Variants in ASTN2 observed in about 807,000 individuals in gnomAD.
The protein encoded by ASTN2 is astrotactin-2.
ASTN2 carries 54 observed loss-of-function variants against 139.8 expected under a neutral mutation model. The observed-to-expected ratio is 0.39, with a 90% CI of 0.31 to 0.48. The LOEUF is 0.48. ASTN2 is among the 20% of genes least tolerant of loss of function. The pLI is 0.95. For synonymous variants in ASTN2, 756 were observed against 719.5 expected, an observed-to-expected ratio of 1.05 and a Z score of -0.81; for missense variants, 1,565 against 1,725.1, an observed-to-expected ratio of 0.91 and a Z score of 1.64.
intron 20 of ASTN2, among the ~76,000 whole-genome samples, chr9:116,467,924 T>G (rs569678897): frequency 6.6e-6 from 1 of 152,286 alleles, no homozygotes; most frequent in South Asian, 2.1e-4. Context: ...AGCCTAGTGA[T>G]GAGCAAACAA....
At chr9:116,732,389 G>A (rs1016062253) in intron 14 of ASTN2, among the ~76,000 whole-genome samples, 3 of 152,184 alleles carry the variant, frequency 2.0e-5, no homozygotes, top group Non-Finnish European at 4.4e-5. Flanking sequence ...GGAGTTAGAT[G>A]ACTCTTTTGA....
intron 19 of ASTN2, among the ~76,000 whole-genome samples, chr9:116,498,980 A>T (rs575161707): frequency 2.0e-5 from 3 of 152,282 alleles, no homozygotes; most frequent in African/African-American, 7.2e-5. Flanking sequence ...TAGAGCTTCC[A>T]TAACTCTTCC....
At chr9:116,787,381 A>G (rs1472429693) in intron 13 of ASTN2, among the ~76,000 whole-genome samples, 1 of 152,228 alleles carries the variant, frequency 6.6e-6, no homozygotes, top group African/African-American at 2.4e-5. Context: ...CAGTTTTACA[A>G]TCTAGGACTG....
At chr9:116,505,491 G>C (rs1257081236) in intron 19 of ASTN2, among the ~76,000 whole-genome samples, 2 of 152,036 alleles carry the variant, frequency 1.3e-5, no homozygotes, top group Non-Finnish European at 2.9e-5. Context: ...AACCACCTTT[G>C]GATTCCAATA....
Position 117,414,251 on chromosome 9 carries a change from A to G in ASTN2, c.442+246T>C, listed in dbSNP as rs1420466505. ...GAGCTCCAGGTCGGGACTGAGAGGC[A>G]GAGGGGCAGGTTCCCACTGCGGGAG... On this transcript the variant is annotated intron_variant, in intron 1 of 22. Transcript: ENST00000313400. The surrounding 1 kb of genome is among the most constrained non-coding windows in gnomAD (Gnocchi z 4.2). Among the ~76,000 whole-genome samples, 1 of 152,100 alleles carries G rather than the reference A, an allele frequency of 6.6e-6. No homozygotes were observed. The highest frequency in any genetic ancestry group is 2.4e-5 in the African/African-American group (1 of 41,448).
rs781758780 is a variant in ASTN2 at position 116,620,402 on chromosome 9, C to T, written c.3114G>A (p.Gly1038=). 1 of 1,614,162 alleles carries T rather than the reference C, an allele frequency of 6.2e-7. No homozygotes were observed. The highest frequency in any genetic ancestry group is 1.1e-5 in the South Asian group (1 of 91,086). The change falls in exon 18 of 23, where the codon GGG becomes GGA. Residue 1038 remains glycine (G), a synonymous_variant. Coordinates refer to ENST00000313400, the MANE Select transcript of ASTN2 (RefSeq NM_001365068.1). ...ACCAGTCATCGATCACATCCCCTTT[C>T]CCTGAGCACCAGTAGGAACTCATCA... is the stretch of plus-strand genomic sequence containing the variant. ...SALMSSYWCS[G]KGDVIDDWCR...
intron 16 of ASTN2, among the ~76,000 whole-genome samples, chr9:116,716,472 G>C (rs993455016): frequency 1.3e-5 from 2 of 152,090 alleles, no homozygotes; most frequent in Non-Finnish European, 2.9e-5. Context: ...ATTTCTAATT[G>C]ATTGCATAAA....
intron 11 of ASTN2, among the ~76,000 whole-genome samples, chr9:116,841,663 A>G (rs529139300): frequency 9.8e-5 from 15 of 152,312 alleles, no homozygotes; most frequent in African/African-American, 3.4e-4. Context: ...CACTTCCTCA[A>G]TGTGTGCCCT....
rs1847254815 is a variant in ASTN2, at chr9:116,424,547, T to C, written c.*1304A>G. ...CTTGAAAGAGGTGTACTGTCTCTTG[T>C]CTCTGGGCTTTTGTTCATATCTCTT... On this transcript the variant is annotated 3_prime_UTR_variant, in exon 23 of 23. Transcript: ENST00000313400. Among the ~76,000 whole-genome samples, 2 of 151,930 alleles carry C rather than the reference T, an allele frequency of 1.3e-5. No individual in the cohort carries two copies. The highest frequency in any genetic ancestry group is 2.9e-5 in the Non-Finnish European group (2 of 67,996).
At chr9:116,695,170 T>G (rs1276859281) in intron 16 of ASTN2, among the ~76,000 whole-genome samples, 1 of 152,208 alleles carries the variant, frequency 6.6e-6, no homozygotes, top group African/African-American at 2.4e-5. Flanking sequence ...TATCTGTACT[T>G]CAAGGTTCCA....
intron 10 of ASTN2, among the ~76,000 whole-genome samples, chr9:116,948,445 A>T (rs1835458999): frequency 6.6e-6 from 1 of 152,148 alleles, no homozygotes; most frequent in South Asian, 2.1e-4. Context: ...TAGGTCTTTG[A>T]ACATGTTTCC....
At chr9:116,816,364 A>G (rs996434175) in intron 12 of ASTN2, among the ~76,000 whole-genome samples, 3 of 152,108 alleles carry the variant, frequency 2.0e-5, no homozygotes, top group East Asian at 1.9e-4. Flanking sequence ...TTCTCAATCT[A>G]TCTTGAATTC....
intron 16 of ASTN2, among the ~76,000 whole-genome samples, chr9:116,675,094 G>GC (rs962647241): frequency 5.9e-5 from 9 of 152,002 alleles, no homozygotes; most frequent in South Asian, 4.2e-4. Context: ...ATGGTTCAGT[G>GC]CCCCCCCACG....
At chr9:117,010,524 C>T (rs1171878555) in intron 6 of ASTN2, among the ~76,000 whole-genome samples, 1 of 152,156 alleles carries the variant, frequency 6.6e-6, no homozygotes, top group Non-Finnish European at 1.5e-5. Context: ...CATATCCTCA[C>T]TTTTTAACTT....
At chr9:117,373,565 G>A (rs1220187556) in intron 1 of ASTN2, among the ~76,000 whole-genome samples, 1 of 152,164 alleles carries the variant, frequency 6.6e-6, no homozygotes, top group East Asian at 1.9e-4. Context: ...TCTTTTGAAG[G>A]GGAAATGTGA....
chr9:116,783,082 T>G (rs1056058222), intron 13 of ASTN2, among the ~76,000 whole-genome samples: 1 of 152,168 alleles, frequency 6.6e-6, no homozygotes, highest in African/African-American at 2.4e-5. Context: ...CTAGTAAAAC[T>G]AGGATATATG....
At chr9:116,835,441 T>G (rs1345017524) in intron 11 of ASTN2, among the ~76,000 whole-genome samples, 1 of 152,182 alleles carries the variant, frequency 6.6e-6, no homozygotes, top group Non-Finnish European at 1.5e-5. Context: ...TAGCTACATC[T>G]TTTTCTTTCA....
chr9:117,194,152 G>A (rs1452468631), intron 3 of ASTN2, among the ~76,000 whole-genome samples: 1 of 152,188 alleles, frequency 6.6e-6, no homozygotes, highest in African/African-American at 2.4e-5. Context: ...AGAAATGGCA[G>A]GGGTAAGACC....
chr9:116,640,287 T>C (rs1022284508), intron 17 of ASTN2, among the ~76,000 whole-genome samples: 2 of 152,184 alleles, frequency 1.3e-5, no homozygotes, highest in Non-Finnish European at 2.9e-5. Flanking sequence ...TCATAAACTC[T>C]GTTATGACCA....
Sources: allele counts gnomAD v4.1 joint callset (sites outside exome capture counted in the v4.1 genomes callset), GRCh38; gene constraint gnomAD v4.1.1; non-coding constraint Gnocchi (gnomAD v3.1); transcripts MANE v1.5; gene names NCBI Gene and HGNC (gene_info 2026-07-23, HGNC 2026-07-21).